The following MED13 variants were observed in gnomAD, a reference collection of about 807,000 sequenced individuals.
MED13 encodes mediator complex subunit 13.
MED13 carries 23 observed loss-of-function variants against 225.2 expected under a neutral mutation model. That is an observed-to-expected ratio of 0.10 (90% confidence interval 0.07 to 0.14). The LOEUF is 0.14. Ranked by LOEUF, MED13 falls within the 10% of genes least tolerant of loss-of-function variation. The probability of loss-of-function intolerance (pLI) is 1.00; values close to 1 mark genes in which losing one functional copy is unlikely to be tolerated. For synonymous variants in MED13, 942 were observed against 889.2 expected, an observed-to-expected ratio of 1.06 and a Z score of -1.06; for missense variants, 2,197 against 2,594.5, an observed-to-expected ratio of 0.85 and a Z score of 3.33.
intron 9 of MED13, among the ~76,000 whole-genome samples, chr17:62,001,669 G>A (rs554235457): frequency 2.2e-4 from 33 of 152,122 alleles, no homozygotes; most frequent in Admixed American, 5.2e-4. Flanking sequence ...ACTACATAAA[G>A]CTTCTGGAGC....
At chr17:62,031,296 T>C (rs2080753334) in intron 6 of MED13, 148 bp downstream of exon 6, 1 of 661,236 alleles carries the variant, frequency 1.5e-6, no homozygotes, top group Admixed American at 3.6e-5. Flanking sequence ...ATAATAACAG[T>C]TTGGAAATAT....
chr17:62,010,295 C>T (rs567356080), intron 9 of MED13: 10 of 310,252 alleles, frequency 3.2e-5, no homozygotes, highest in Non-Finnish European at 5.8e-5. Flanking sequence ...GGAATTCTAA[C>T]TGTATGTAAA....
rs1049927413 is a variant in MED13, at chr17:61,944,082, G to A, written c.*2386C>T. The A allele has an allele frequency of 6.6e-6, 1 of 152,278 alleles. No individual in the cohort carries two copies. Among genetic ancestry groups the A allele is most frequent in the African/African-American group, 2.4e-5 (1 of 41,352 alleles). The allele number at this position is 152,278 out of a possible 1,614,324, so 9.4% of individuals were successfully genotyped here. ...TTGAGTTTGAATGGATATATGAAGGGAAGAAAAAAAATCTTATCAATAAAT... is the reference window on the plus strand; with the variant it reads ...TTGAGTTTGAATGGATATATGAAGGAAAGAAAAAAAATCTTATCAATAAAT... On this transcript the variant is annotated 3_prime_UTR_variant, in exon 30 of 30. Coordinates refer to ENST00000397786, the MANE Select transcript of MED13 (RefSeq NM_005121.3).
rs2143483116 is a variant in MED13 at position 61,987,559 on chromosome 17, G to A, written c.2264-431C>T. Among the ~76,000 whole-genome samples, 3 of 152,042 alleles carry A rather than the reference G, an allele frequency of 2.0e-5. No homozygotes were observed. The South Asian group carries it at 6.2e-4, about 32-fold the overall frequency. ...ATGCAACAAGAAATTGTACTTTATT[G>A]TTTAAAATCGAGAAAGTGTTTTTAT... On this transcript the variant is annotated intron_variant, in intron 11 of 29. Transcript: ENST00000397786.
intron 8 of MED13, among the ~76,000 whole-genome samples, chr17:62,019,966 G>C (rs1000081897): frequency 4.6e-5 from 7 of 151,866 alleles, no homozygotes; most frequent in Non-Finnish European, 1.0e-4. Flanking sequence ...GGATGGTCTC[G>C]ATCTCCTGAC....
rs201669159 is a variant in MED13, at chr17:61,955,370, C to A, written c.5968+12G>T. 1 of 1,500,834 alleles carries A rather than the reference C, an allele frequency of 6.7e-7. No homozygotes were observed. Among genetic ancestry groups the A allele is most frequent in the Non-Finnish European group, 8.9e-7 (1 of 1,125,008 alleles). The allele number at this position is 1,500,834 out of a possible 1,614,324, so 93.0% of individuals were successfully genotyped here. The stretch of plus-strand genomic sequence containing the variant: ...TATTCTTCAGACTACCAAAATGGAA[C>A]AAATTACGTACCATTGTTGGGATTG... On this transcript the variant is annotated intron_variant, in intron 26 of 29. Coordinates refer to ENST00000397786, the MANE Select transcript of MED13 (RefSeq NM_005121.3).
At chr17:62,043,998 A>T (rs1349273255) in intron 3 of MED13, among the ~76,000 whole-genome samples, 3 of 152,186 alleles carry the variant, frequency 2.0e-5, no homozygotes, top group Non-Finnish European at 2.9e-5. Context: ...TAACAGCAAT[A>T]GCTCCTAGCT....
intron 8 of MED13, among the ~76,000 whole-genome samples, chr17:62,021,542 T>C (rs898169381): frequency 1.5e-4 from 23 of 152,268 alleles, no homozygotes; most frequent in African/African-American, 5.5e-4. Flanking sequence ...GCCTGCTTTC[T>C]ATGTGCAGTT....
intron 27 of MED13, among the ~76,000 whole-genome samples, chr17:61,951,422 G>C (rs766009010): frequency 1.3e-5 from 2 of 152,156 alleles, no homozygotes; most frequent in Non-Finnish European, 2.9e-5. Flanking sequence ...AGTTAATAGT[G>C]TTGTGAAAAT....
At chr17:61,985,757 G>A (rs1210985621) in intron 12 of MED13, among the ~76,000 whole-genome samples, 1 of 152,168 alleles carries the variant, frequency 6.6e-6, no homozygotes, top group Admixed American at 6.6e-5. Context: ...TACTTGCAGA[G>A]AAAGCATTTG....
intron 3 of MED13, among the ~76,000 whole-genome samples, chr17:62,039,133 A>C (rs2080830966): frequency 6.6e-6 from 1 of 152,166 alleles, no homozygotes; most frequent in Admixed American, 6.5e-5. Flanking sequence ...TACCCTATTT[A>C]CTAACAACAC....
chr17:61,964,873 T>A, intron 20 of MED13, 133 bp downstream of exon 20: 7 of 790,074 alleles, frequency 8.9e-6, no homozygotes, highest in Non-Finnish European at 1.2e-5. Flanking sequence ...GAGGCAGAGG[T>A]TGCAGTGAGT....
At chr17:61,966,441 C>T in intron 19 of MED13, 21 bp downstream of exon 19, 1 of 1,588,140 alleles carries the variant, frequency 6.3e-7, no homozygotes, top group Non-Finnish European at 8.6e-7. Flanking sequence ...CAGCCTTATA[C>T]AATAAATACA....
Position 61,961,758 on chromosome 17 carries a change from A to G in MED13, c.5086T>C (p.Leu1696=). The G allele has an allele frequency of 6.2e-7, 1 of 1,613,804 alleles. No individual in the cohort carries two copies. ...SVQIIPCQYL[L]QPVKHEDREI... ...CTATCTTCATGCTTCACAGGTTGCA[A>G]CAGGTACTGACAAGGAATAATCTAA... The change falls in exon 22 of 30, where the codon TTG becomes CTG. Residue 1696 remains leucine, a synonymous_variant. Coordinates refer to ENST00000397786, the MANE Select transcript of MED13 (RefSeq NM_005121.3).
chr17:62,021,340 G>A (rs1258632525), intron 8 of MED13, among the ~76,000 whole-genome samples: 10 of 139,910 alleles, frequency 7.1e-5, no homozygotes, highest in Admixed American at 2.1e-4. Context: ...CCTCCCTCCC[G>A]GACAGGGTGG....
intron 7 of MED13, 91 bp from the exon 8 acceptor site, chr17:62,029,742 T>C: frequency 1.3e-6 from 2 of 1,508,976 alleles, no homozygotes; most frequent in South Asian, 2.4e-5. Context: ...AAGATCAACA[T>C]TATGAGTTAA....
At position 62,033,750 on chromosome 17, in the gene MED13, G is replaced by T. The variant is rs372458744; in HGVS notation, c.814+37C>A. ...AAATATAACTAACACATACAATCATGCATTTTCCCCTTAGGAATAATACTC... is the reference window on the plus strand; with the variant it reads ...AAATATAACTAACACATACAATCATTCATTTTCCCCTTAGGAATAATACTC... On this transcript the variant is annotated intron_variant, in intron 5 of 29. Coordinates refer to ENST00000397786, the MANE Select transcript of MED13 (RefSeq NM_005121.3). The T allele has an allele frequency of 2.3e-5, 37 of 1,581,228 alleles. No individual in the cohort carries two copies. The African/African-American group carries it at 4.6e-4, about 20-fold the overall frequency.
At position 61,959,946 on chromosome 17, in the gene MED13, G is replaced by A. The variant is rs191428115; in HGVS notation, c.5480+921C>T. ...TCGCCATGTTGCCCAGGCTGGTCTC[G>A]AACTCCTGGACTCAAGTGATCCGCC... On this transcript the variant is annotated intron_variant, in intron 23 of 29. Transcript: ENST00000397786. Among the ~76,000 whole-genome samples, 425 of 151,964 alleles carry A rather than the reference G, an allele frequency of 2.8e-3. 5 individuals are homozygous for A. The highest frequency in any genetic ancestry group is 1.0e-3 in the South Asian group (5 of 4,810).
At chr17:61,995,446 T>C in intron 9 of MED13, 81 bp from the exon 10 acceptor site, 1 of 923,528 alleles carries the variant, frequency 1.1e-6, no homozygotes, top group South Asian at 1.9e-5. Flanking sequence ...TCATAATGTT[T>C]TTAGAATTAC....
Sources: gnomAD v4.1 joint callset for allele counts (sites outside exome capture counted in the v4.1 genomes callset) on GRCh38, gnomAD v4.1.1 for gene constraint, MANE v1.5 for transcripts, NCBI Gene and HGNC (gene_info 2026-07-23, HGNC 2026-07-21) for gene names.